EIPR1: variants seen among roughly 807,000 people sequenced by gnomAD.
EIPR1 encodes the protein EARP complex and GARP complex interacting protein 1.
In EIPR1, 25 loss-of-function variants were observed where a neutral mutation model predicts 48.1. The ratio of observed to expected loss-of-function variants is 0.52; its 90% CI spans 0.38 to 0.73. The LOEUF (loss-of-function observed/expected upper bound fraction) is 0.73, where lower values mean the gene tolerates loss of function less well. Among genes scored for constraint, EIPR1 ranks in the 30% least tolerant of loss-of-function variants. The probability of loss-of-function intolerance (pLI) is 0.00; values close to 1 mark genes in which losing one functional copy is unlikely to be tolerated. For missense variants in EIPR1, 415 were observed against 506.2 expected (o/e 0.82, Z 1.73); for synonymous variants, 204 against 201.9 (o/e 1.01, Z -0.09).
intron 3 of EIPR1, among the ~76,000 whole-genome samples, chr2:3,259,299 C>T (rs189673452): frequency 6.6e-6 from 1 of 152,208 alleles, no homozygotes; most frequent in East Asian, 1.9e-4. Context: ...CCCCCCACAT[C>T]CCCAACAAGT....
At chr2:3,258,666 C>A (rs1667237709) in intron 3 of EIPR1, among the ~76,000 whole-genome samples, 1 of 152,158 alleles carries the variant, frequency 6.6e-6, no homozygotes, top group African/African-American at 2.4e-5. Flanking sequence ...AACTCAATGA[C>A]AAAATATCTA....
rs56240155 is a variant in EIPR1, at chr2:3,312,250, G to A, written c.259+25767C>T. 0.22 allele frequency among the ~76,000 whole-genome samples: 33,888 copies of A among 152,016 alleles called. 6,122 individuals are homozygous for A. Among genetic ancestry groups the A allele is most frequent in the East Asian group, 0.58 (3,000 of 5,134 alleles). On this transcript the variant is annotated intron_variant, in intron 3 of 8. Coordinates refer to ENST00000382125, the MANE Select transcript of EIPR1 (RefSeq NM_003310.5). This position sits in a 1 kb window ranked among gnomAD's most constrained non-coding sequence, Gnocchi z 5.5. ...TGCTCTGCCTATGGCCACTGAGGCC[G>A]CATTCCGGGTGTGCTCTGACGTTTT...
intron 4 of EIPR1, among the ~76,000 whole-genome samples, chr2:3,251,309 G>A (rs7560234): frequency 0.27 from 40,679 of 152,262 alleles, 6,700 homozygotes; most frequent in Non-Finnish European, 0.38. Context: ...GCTAAAGGGA[G>A]GGTGGGAAGA....
rs934321191 is a variant in EIPR1, at chr2:3,263,710, T to C, written c.260-6255A>G. Among the ~76,000 whole-genome samples, 13 of 151,338 alleles carry C rather than the reference T, an allele frequency of 8.6e-5. No homozygotes were observed. The East Asian group carries it at 1.8e-3, about 20-fold the overall frequency. On this transcript the variant is annotated intron_variant, in intron 3 of 8. Coordinates refer to ENST00000382125, the MANE Select transcript of EIPR1 (RefSeq NM_003310.5). The stretch of plus-strand genomic sequence containing the variant: ...GACGCGGCACGGTGCGGCCAGCGCC[T>C]TCCCCAGGACGCGGCACGGTGCCGG...
intron 7 of EIPR1, 40 bp downstream of exon 7, chr2:3,193,959 G>A (rs553921633): frequency 3.4e-5 from 54 of 1,606,880 alleles, no homozygotes; most frequent in South Asian, 2.5e-4. Context: ...AATCAATTGC[G>A]TAATCCCCTC....
intron 3 of EIPR1, among the ~76,000 whole-genome samples, chr2:3,314,621 C>A (rs1254595351): frequency 4.0e-5 from 6 of 151,548 alleles, no homozygotes. Flanking sequence ...GTCTCACTCA[C>A]CGGCCAGCCT....
intron 3 of EIPR1, among the ~76,000 whole-genome samples, chr2:3,304,819 TC>T (rs1668872114): frequency 6.8e-6 from 1 of 147,128 alleles, no homozygotes; most frequent in African/African-American, 2.5e-5. Flanking sequence ...TCCACTCCCG[TC>T]CAGTTCAGCC....
rs1241525018 is a variant in EIPR1, at chr2:3,312,606, C to T, written c.259+25411G>A. On this transcript the variant is annotated intron_variant, in intron 3 of 8. Coordinates refer to ENST00000382125, the MANE Select transcript of EIPR1 (RefSeq NM_003310.5). This position sits in a 1 kb window ranked among gnomAD's most constrained non-coding sequence, Gnocchi z 5.5. Reference sequence around the variant, plus strand: ...CTTAAAATTGAAGTTTTATCCCTAGCTTTGCAGGTAAAGCTTTGCAGGGAG... The same window carrying T: ...CTTAAAATTGAAGTTTTATCCCTAGTTTTGCAGGTAAAGCTTTGCAGGGAG... Among the ~76,000 whole-genome samples the T allele has an allele frequency of 6.6e-6, 1 of 152,220 alleles. No individual in the cohort carries two copies. The highest frequency in any genetic ancestry group is 1.5e-5 in the Non-Finnish European group (1 of 68,044).
intron 5 of EIPR1, among the ~76,000 whole-genome samples, chr2:3,210,701 C>T (rs1249569406): frequency 6.9e-6 from 1 of 145,762 alleles, no homozygotes; most frequent in Admixed American, 7.1e-5. Context: ...GTGATCTTGG[C>T]TCACTGCAAC....
chr2:3,274,011 A>C (rs1667774674), intron 3 of EIPR1, among the ~76,000 whole-genome samples: 1 of 152,240 alleles, frequency 6.6e-6, no homozygotes, highest in Non-Finnish European at 1.5e-5. Flanking sequence ...AAAAATCATG[A>C]CTGTTGAAAT....
Position 3,317,131 on chromosome 2 carries a change from C to T in EIPR1, c.259+20886G>A, listed in dbSNP as rs1342729584. Among the ~76,000 whole-genome samples, 26 of 150,896 alleles carry T rather than the reference C, an allele frequency of 1.7e-4. 1 individual carries two copies. The highest frequency in any genetic ancestry group is 1.7e-3 in the Admixed American group (26 of 15,144). ...TGTGTGCCTTGCATGTGGGGTGGAG[C>T]ACAGAGCCCCAGGAGCGCATGAGGC... On this transcript the variant is annotated intron_variant, in intron 3 of 8. Coordinates refer to ENST00000382125, the MANE Select transcript of EIPR1 (RefSeq NM_003310.5).
At chr2:3,323,307 C>A (rs1669591770) in intron 3 of EIPR1, among the ~76,000 whole-genome samples, 3 of 152,152 alleles carry the variant, frequency 2.0e-5, no homozygotes, top group African/African-American at 7.2e-5. Context: ...GGCAGGGACA[C>A]CAAAGGTGAT....
chr2:3,375,343 C>A (rs1659838846), intron 1 of EIPR1, among the ~76,000 whole-genome samples: 1 of 150,184 alleles, frequency 6.7e-6, no homozygotes, highest in Admixed American at 6.6e-5. Flanking sequence ...AACTAACTGG[C>A]ACATTGTGCA....
chr2:3,245,740 C>T (rs533974422), intron 4 of EIPR1, among the ~76,000 whole-genome samples: 96 of 152,316 alleles, frequency 6.3e-4, no homozygotes, highest in African/African-American at 2.1e-3. Flanking sequence ...TGGCTAAAGC[C>T]AACCAGCACT....
chr2:3,239,645 A>T (rs1178529294), intron 4 of EIPR1, among the ~76,000 whole-genome samples: 1 of 146,004 alleles, frequency 6.8e-6, no homozygotes, highest in Admixed American at 6.7e-5. Flanking sequence ...CCCTTTCCAC[A>T]TGTGGCCCTG....
At chr2:3,301,542 G>A (rs1048482227) in intron 3 of EIPR1, 1 of 152,214 alleles carries the variant, frequency 6.6e-6, no homozygotes, top group Non-Finnish European at 1.5e-5. Flanking sequence ...TCTTCCAAGT[G>A]GGCCAGGCTC....
intron 2 of EIPR1, chr2:3,353,385 C>G: frequency 1.3e-5 from 6 of 450,454 alleles, no homozygotes; most frequent in South Asian, 9.8e-5. Flanking sequence ...ACTGTAAGCA[C>G]AATTTTAACA....
intron 3 of EIPR1, among the ~76,000 whole-genome samples, chr2:3,337,767 G>C (rs568543756): frequency 2.0e-5 from 3 of 152,250 alleles, no homozygotes. Context: ...CTCCAGCACT[G>C]TACTCCCCTG....
intron 8 of EIPR1, among the ~76,000 whole-genome samples, chr2:3,190,361 C>A (rs1664562017): frequency 6.6e-6 from 1 of 151,806 alleles, no homozygotes; most frequent in South Asian, 2.1e-4. Context: ...AAATGCTTCA[C>A]CCCCCCAGCA....
Sources: allele counts gnomAD v4.1 joint callset (sites outside exome capture counted in the v4.1 genomes callset), GRCh38; gene constraint gnomAD v4.1.1; non-coding constraint Gnocchi (gnomAD v3.1); transcripts MANE v1.5; gene names NCBI Gene and HGNC (gene_info 2026-07-23, HGNC 2026-07-21).